The following ZSCAN30 variants were observed in gnomAD, a reference collection of about 807,000 sequenced individuals.
ZSCAN30 encodes the protein zinc finger and SCAN domain containing 30.
A neutral mutation model predicts 44.3 loss-of-function variants in ZSCAN30; 37 were observed. The observed-to-expected ratio is 0.84, with a 90% CI of 0.64 to 1.10. ZSCAN30 has a LOEUF of 1.10. Among genes scored for constraint, ZSCAN30 ranks in the 50% least tolerant of loss-of-function variants. The pLI is 0.00. For missense variants in ZSCAN30, 549 were observed against 582.6 expected (o/e 0.94, Z 0.59); for synonymous variants, 181 against 204.6 (o/e 0.88, Z 0.98).
At position 35,257,806 on chromosome 18, in the gene ZSCAN30, C is replaced by T. The variant is rs1472770497; in HGVS notation, c.554-3425G>A. 22 of 765,418 alleles carry T rather than the reference C, an allele frequency of 2.9e-5. No individual in the cohort carries two copies. The East Asian group carries it at 5.1e-4, about 18-fold the overall frequency. 47.4% of individuals were successfully genotyped at this position (765,418 alleles called of 1,614,324 possible). ...GTCAAGAAGAGACAACTCTGCAGTG[C>T]AATTATGCTTCAGCGGCCCATGAAA... On this transcript the variant is annotated intron_variant, in intron 3 of 3. Coordinates refer to ENST00000333206, the MANE Select transcript of ZSCAN30 (RefSeq NM_001112734.4).
intron 1 of ZSCAN30, among the ~76,000 whole-genome samples, chr18:35,279,962 A>T (rs2044426796): frequency 6.6e-6 from 1 of 152,200 alleles, no homozygotes; most frequent in Non-Finnish European, 1.5e-5. Context: ...CAATGTGATT[A>T]ACATAAACCA....
At chr18:35,270,691 C>T (rs144520422) in intron 1 of ZSCAN30, among the ~76,000 whole-genome samples, 2 of 152,320 alleles carry the variant, frequency 1.3e-5, no homozygotes, top group Non-Finnish European at 2.9e-5. Flanking sequence ...AGCAATTCTC[C>T]TGTCTCAGTC....
chr18:35,255,848 A>G (rs953545885), intron 3 of ZSCAN30: 7 of 154,412 alleles, frequency 4.5e-5, no homozygotes, highest in Non-Finnish European at 7.3e-5. Flanking sequence ...TTCATTCAAA[A>G]AGAAAACATT....
intron 1 of ZSCAN30, among the ~76,000 whole-genome samples, chr18:35,271,921 G>A (rs1250051635): frequency 6.6e-6 from 1 of 152,174 alleles, no homozygotes; most frequent in African/African-American, 2.4e-5. Context: ...GGGGCCGGCG[G>A]CGCTGGCCGG....
At chr18:35,280,394 A>G (rs923834385) in intron 1 of ZSCAN30, among the ~76,000 whole-genome samples, 5 of 152,108 alleles carry the variant, frequency 3.3e-5, no homozygotes, top group African/African-American at 1.2e-4. Context: ...AAAAAAAAGA[A>G]AGAAAACACA....
intron 1 of ZSCAN30, among the ~76,000 whole-genome samples, chr18:35,265,513 C>T (rs2044131257): frequency 6.6e-6 from 1 of 152,128 alleles, no homozygotes; most frequent in South Asian, 2.1e-4. Context: ...CTTTTTATTT[C>T]TTTTTATTAC....
chr18:35,275,895 T>A (rs896365193), intron 1 of ZSCAN30, among the ~76,000 whole-genome samples: 1 of 152,262 alleles, frequency 6.6e-6, no homozygotes, highest in African/African-American at 2.4e-5. Flanking sequence ...TTGTTTTTTA[T>A]GAAGAGGTGT....
At chr18:35,284,026 C>G (rs2143779568) in intron 1 of ZSCAN30, 1 of 152,806 alleles carries the variant, frequency 6.5e-6, no homozygotes, top group Non-Finnish European at 1.5e-5. Flanking sequence ...TAGCTCCTCT[C>G]TGCAGGCAGC....
chr18:35,267,481 G>C (rs1378990284), intron 1 of ZSCAN30: 1 of 59,280 alleles, frequency 1.7e-5, no homozygotes, highest in Non-Finnish European at 6.0e-5. Flanking sequence ...CTCACCCTTC[G>C]CTCTACCGGC....
chr18:35,259,214 G>C (rs2043950609), intron 3 of ZSCAN30: 1 of 152,100 alleles, frequency 6.6e-6, no homozygotes, highest in African/African-American at 2.4e-5. Context: ...TTGTTGTTGA[G>C]ATAGTCTCAC....
rs2044245795 is a variant in ZSCAN30 at position 35,270,339 on chromosome 18, C to A, written c.-103-5884G>T. The A allele has an allele frequency of 2.0e-5, 3 of 152,262 alleles. No individual in the cohort carries two copies. In the South Asian group the frequency reaches 6.2e-4, roughly 32 times the overall value. The allele number at this position is 152,262 out of a possible 1,614,324, so 9.4% of individuals were successfully genotyped here. ...AAATAGGGGAACGAGGGAACAAATA[C>A]CTTGTCTGCCTTTCTTTGCTGTGGG... On this transcript the variant is annotated intron_variant, in intron 1 of 3. Transcript: ENST00000333206.
Position 35,253,105 on chromosome 18 carries a change from T to C in ZSCAN30, c.*345A>G, listed in dbSNP as rs2043653812. Reference sequence around the variant, plus strand: ...CATCTTATAAGAAGCTCTTTCAGGATCTCTGCCCCAATCCTGGCATTACTG... The same window carrying C: ...CATCTTATAAGAAGCTCTTTCAGGACCTCTGCCCCAATCCTGGCATTACTG... On this transcript the variant is annotated 3_prime_UTR_variant, in exon 4 of 4. Transcript: ENST00000333206. The C allele has an allele frequency of 5.3e-6, 1 of 190,246 alleles. No individual in the cohort carries two copies. The highest frequency in any genetic ancestry group is 2.3e-5 in the African/African-American group (1 of 42,830). 11.8% of individuals were successfully genotyped at this position (190,246 alleles called of 1,614,324 possible).
chr18:35,262,763 G>T (rs1429988833), intron 3 of ZSCAN30: 1 of 152,412 alleles, frequency 6.6e-6, no homozygotes, highest in African/African-American at 2.4e-5. Context: ...CCATCCAGTG[G>T]GCTGTGGCTG....
At chr18:35,258,556 G>C (rs983223919) in intron 3 of ZSCAN30, 2 of 153,062 alleles carry the variant, frequency 1.3e-5, no homozygotes, top group Non-Finnish European at 2.9e-5. Flanking sequence ...TGGGATCAGA[G>C]GGAGTGAGAG....
At position 35,290,115 on chromosome 18, in the gene ZSCAN30, G is replaced by A. The variant is rs997877224; in HGVS notation, c.-135C>T. ...CCAGAGAGCTTTCCCGAAAGATAAT[G>A]GATTCCGACATTCACCTCAAGAACC... is the stretch of plus-strand genomic sequence containing the variant. On this transcript the variant is annotated 5_prime_UTR_variant, in exon 1 of 4. Coordinates refer to ENST00000333206, the MANE Select transcript of ZSCAN30 (RefSeq NM_001112734.4). 4 of 152,254 alleles carry A rather than the reference G, an allele frequency of 2.6e-5. No individual in the cohort carries two copies. The highest frequency in any genetic ancestry group is 5.9e-5 in the Non-Finnish European group (4 of 68,064). The allele number at this position is 152,254 out of a possible 1,614,324, so 9.4% of individuals were successfully genotyped here.
intron 1 of ZSCAN30, among the ~76,000 whole-genome samples, chr18:35,271,430 T>C (rs1353500203): frequency 6.6e-6 from 1 of 152,046 alleles, no homozygotes; most frequent in Non-Finnish European, 1.5e-5. Flanking sequence ...AGAGCACTGA[T>C]TGGTACATTT....
chr18:35,272,411 A>T (rs2044299787), intron 1 of ZSCAN30, among the ~76,000 whole-genome samples: 1 of 149,662 alleles, frequency 6.7e-6, no homozygotes, highest in African/African-American at 2.5e-5. Flanking sequence ...GCAGTGGCAC[A>T]ATCTCGGCTC....
intron 1 of ZSCAN30, among the ~76,000 whole-genome samples, chr18:35,271,317 C>A (rs534869148): frequency 6.6e-6 from 1 of 151,904 alleles, no homozygotes; most frequent in Non-Finnish European, 1.5e-5. Context: ...CTGATTGGTG[C>A]GTTTACAATC....
At chr18:35,271,522 TACA>T (rs1389943106) in intron 1 of ZSCAN30, among the ~76,000 whole-genome samples, 1 of 152,278 alleles carries the variant, frequency 6.6e-6, no homozygotes, top group Non-Finnish European at 1.5e-5. Flanking sequence ...TTGGTGCATA[TACA>T]ACTCTCTGGC....
Sources: gnomAD v4.1 joint callset for allele counts (sites outside exome capture counted in the v4.1 genomes callset) on GRCh38, gnomAD v4.1.1 for gene constraint, MANE v1.5 for transcripts, NCBI Gene and HGNC (gene_info 2026-07-23, HGNC 2026-07-21) for gene names.